Variants in APC observed in about 807,000 individuals in gnomAD.
APC encodes adenomatous polyposis coli protein.
A neutral mutation model predicts 247.0 loss-of-function variants in APC; 72 were observed. The ratio of observed to expected loss-of-function variants is 0.29; its 90% CI spans 0.24 to 0.35. The LOEUF (loss-of-function observed/expected upper bound fraction) is 0.35, where lower values mean the gene tolerates loss of function less well. Among genes scored for constraint, APC ranks in the 10% least tolerant of loss-of-function variants. The pLI, the probability that APC is intolerant of heterozygous loss-of-function variation, is 1.00. For missense variants in APC, 3,400 were observed against 3,360.7 expected (o/e 1.01, Z -0.29); for synonymous variants, 1,254 against 1,162.5 (o/e 1.08, Z -1.60).
At chr5:112,786,147 T>C (rs1230441022) in intron 6 of APC, among the ~76,000 whole-genome samples, 1 of 152,132 alleles carries the variant, frequency 6.6e-6, no homozygotes, top group Non-Finnish European at 1.5e-5. Flanking sequence ...GCAGTGGCCA[T>C]TCACAGGAGC....
At chr5:112,819,461 T>A in intron 10 of APC, 117 bp downstream of exon 10, 2 of 1,339,914 alleles carry the variant, frequency 1.5e-6, no homozygotes, top group Non-Finnish European at 2.1e-6. Flanking sequence ...AAAATTCATA[T>A]CAGCCATTTG....
chr5:112,768,855 A>G (rs554628659), intron 4 of APC, among the ~76,000 whole-genome samples: 4 of 152,042 alleles, frequency 2.6e-5, no homozygotes, highest in Admixed American at 2.6e-4. Context: ...AGCGTAGAAC[A>G]CAGTCTTATA....
rs58300235 is a variant in APC, at chr5:112,727,417, T to C, written c.165+19535T>C. On this transcript the variant is annotated intron_variant, in intron 1 of 13. Transcript: ENST00000507379. ...TATTTTCTCTTTCAAGGTAAGAATT[T>C]GGTAATATTGGTATAAGAACAAAAG... is the stretch of plus-strand genomic sequence containing the variant. 7.7e-3 allele frequency among the ~76,000 whole-genome samples: 1,177 copies of C among 152,294 alleles called. 19 individuals carry two copies. The highest frequency in any genetic ancestry group is 0.027 in the African/African-American group (1,103 of 41,550).
At chr5:112,794,625 GTGC>G (rs1760005401) in intron 7 of APC, among the ~76,000 whole-genome samples, 1 of 152,102 alleles carries the variant, frequency 6.6e-6, no homozygotes. Context: ...CCGTGTGCGT[GTGC>G]TGTGGTACCA....
At chr5:112,806,560 A>G (rs2149729264) in intron 8 of APC, among the ~76,000 whole-genome samples, 1 of 137,582 alleles carries the variant, frequency 7.3e-6, no homozygotes, top group Non-Finnish European at 1.6e-5. Context: ...AACTTTATTT[A>G]TTTATTTATT....
At chr5:112,819,490 GA>G (rs1453870136) in intron 10 of APC, 146 bp downstream of exon 10, 1 of 1,118,736 alleles carries the variant, frequency 8.9e-7, no homozygotes, top group East Asian at 2.6e-5. Flanking sequence ...ATATTTAAAA[GA>G]TTAAGTCTGT....
rs2149683931 is a variant in APC at position 112,792,434 on chromosome 5, G to A, written c.646-12G>A. The A allele has an allele frequency of 1.9e-6, 3 of 1,595,572 alleles. No homozygotes were observed. Among genetic ancestry groups the A allele is most frequent in the Non-Finnish European group, 2.6e-6 (3 of 1,166,286 alleles). On this transcript the variant is annotated splice_polypyrimidine_tract_variant and intron_variant, in intron 6 of 15. Coordinates refer to ENST00000257430, the MANE Select transcript of APC (RefSeq NM_000038.6). ...AAAAACATAACTAATTAGGTTTCTT[G>A]TTTTATTTTAGCGAAGAATAGCCAG...
rs765925481 is a variant in APC, at chr5:112,838,493, G to A, written c.2899G>A (p.Val967Ile). Residue 967 changes from valine to isoleucine, a missense_variant, in exon 16 of 16, where the codon GTC becomes ATC. Physicochemically the swap from Val to Ile is conservative, Grantham distance 29 (BLOSUM62 3). Around this residue, in one of 9 missense-constraint regions of APC, gnomAD observed 715 missense variants for 656.6 expected, o/e 1.09. Coordinates refer to ENST00000257430, the MANE Select transcript of APC (RefSeq NM_000038.6). ...ATCTTCAAATGATAGTTTAAATAGT[G>A]TCAGTAGTAGTGATGGTTATGGTAA... ...KRSSNDSLNSVSSSDGYGKRG... is the reference protein window; with the variant it reads ...KRSSNDSLNSISSSDGYGKRG... The A allele has an allele frequency of 1.9e-6, 3 of 1,614,082 alleles. No homozygotes were observed. The highest frequency in any genetic ancestry group is 1.7e-6 in the Non-Finnish European group (2 of 1,180,040).
intron 5 of APC, among the ~76,000 whole-genome samples, chr5:112,776,446 A>G (rs1301971429): frequency 6.6e-6 from 1 of 152,232 alleles, no homozygotes; most frequent in Non-Finnish European, 1.5e-5. Context: ...AACTGCCAAC[A>G]TCTCTAACCA....
intron 7 of APC, among the ~76,000 whole-genome samples, chr5:112,793,186 C>G (rs989613133): frequency 3.9e-5 from 6 of 152,114 alleles, no homozygotes; most frequent in Non-Finnish European, 8.8e-5. Flanking sequence ...TGCTCCTTTC[C>G]AATCCCAGCA....
chr5:112,765,491 T>C (rs1016597210), intron 2 of APC, among the ~76,000 whole-genome samples: 1 of 152,210 alleles, frequency 6.6e-6, no homozygotes, highest in Non-Finnish European at 1.5e-5. Context: ...TTCCTTTTAA[T>C]GTATTTACAG....
intron 7 of APC, among the ~76,000 whole-genome samples, chr5:112,796,922 T>A (rs976433259): frequency 4.6e-5 from 7 of 152,106 alleles, no homozygotes; most frequent in African/African-American, 1.7e-4. Flanking sequence ...TTTTTTCTAG[T>A]TGATTGAATC....
At chr5:112,831,113 ATT>A (rs5870514) in intron 14 of APC, among the ~76,000 whole-genome samples, 2 of 145,904 alleles carry the variant, frequency 1.4e-5, no homozygotes, top group Non-Finnish European at 1.5e-5. Flanking sequence ...TCTTCTATAA[ATT>A]TTTTTTTTTT....
At chr5:112,773,535 A>G (rs374549118) in intron 4 of APC, among the ~76,000 whole-genome samples, 54 of 152,302 alleles carry the variant, frequency 3.5e-4, no homozygotes, top group African/African-American at 6.7e-4. Context: ...ATTGACCTGA[A>G]GCCTTACTGA....
At chr5:112,710,527 C>G (rs1015388888) in intron 1 of APC, among the ~76,000 whole-genome samples, 7 of 152,174 alleles carry the variant, frequency 4.6e-5, no homozygotes, top group Non-Finnish European at 8.8e-5. Context: ...CACTTCCTGT[C>G]CACCTTCTTC....
In APC at chr5:112,841,323, C is replaced by T. The variant is rs772352376; in HGVS notation, c.5729C>T (p.Thr1910Ile). 1 of 1,613,940 alleles carries T rather than the reference C, an allele frequency of 6.2e-7. No homozygotes were observed. ...TCCAACCAACAATCAGCTAATAAGA[C>T]ACAAGCTATTGCAAAGCAGCCAATA... ...LTSNQQSANK[T>I]QAIAKQPINR... The change falls in exon 16 of 16, where the codon ACA (threonine) becomes ATA (isoleucine). Residue 1910 changes from threonine to isoleucine, a missense_variant. Thr to Ile is a moderately conservative substitution (Grantham distance 89, BLOSUM62 -1). Coordinates refer to ENST00000257430, the MANE Select transcript of APC (RefSeq NM_000038.6). This position sits in a 1 kb window ranked among gnomAD's most constrained non-coding sequence, Gnocchi z 4.6.
upstream of APC, among the ~76,000 whole-genome samples, chr5:112,734,693 A>G (rs539228111): frequency 5.9e-5 from 9 of 152,254 alleles, no homozygotes; most frequent in South Asian, 2.1e-4. Flanking sequence ...AATATTGTCA[A>G]TATTCTTCTT....
In APC at chr5:112,840,066, T is replaced by A. The variant is rs1353427393; in HGVS notation, c.4472T>A (p.Phe1491Tyr). 3 of 1,614,106 alleles carry A rather than the reference T, an allele frequency of 1.9e-6. No individual in the cohort carries two copies. Reference protein sequence around the residue: ...VLPDADTLLHFATESTPDGFS... With the variant: ...VLPDADTLLHYATESTPDGFS... The stretch of plus-strand genomic sequence containing the variant: ...CCAGATGCTGATACTTTATTACATT[T>A]TGCCACGGAAAGTACTCCAGATGGA... The change falls in exon 16 of 16, where the codon TTT becomes TAT. Residue 1491 changes from phenylalanine (F) to tyrosine (Y), a missense_variant. This residue lies in a region of APC where 1,788 missense variants were observed against 1,649.5 expected (regional missense o/e 1.08). Transcript: ENST00000257430. This position sits in a 1 kb window ranked among gnomAD's most constrained non-coding sequence, Gnocchi z 4.1.
intron 7 of APC, among the ~76,000 whole-genome samples, chr5:112,799,915 T>A (rs1257489362): frequency 2.0e-5 from 3 of 152,184 alleles, no homozygotes; most frequent in African/African-American, 7.2e-5. Context: ...AACTCCTATT[T>A]ACTCTTCAAG....
Sources: allele counts gnomAD v4.1 joint callset (sites outside exome capture counted in the v4.1 genomes callset), GRCh38; gene constraint gnomAD v4.1.1; regional missense constraint gnomAD v4.1.1; non-coding constraint Gnocchi (gnomAD v3.1); transcripts MANE v1.5; gene names NCBI Gene and HGNC (gene_info 2026-07-23, HGNC 2026-07-21).